DESI1: variants seen among roughly 807,000 people sequenced by gnomAD.
The protein encoded by DESI1 is PPPDE peptidase domain containing 2.
Under a neutral mutation model 22.4 loss-of-function variants are expected in DESI1, and 17 were observed. That is an observed-to-expected ratio of 0.76 (90% CI 0.52 to 1.14). The LOEUF (loss-of-function observed/expected upper bound fraction) is 1.14. Ranked by LOEUF, DESI1 falls within the 50% of genes most tolerant of loss-of-function variation. The pLI is 0.00. For missense variants in DESI1, 177 were observed against 208.9 expected (o/e 0.85, Z 0.94); for synonymous variants, 92 against 84.2 (o/e 1.09, Z -0.51).
intron 3 of DESI1, among the ~76,000 whole-genome samples, chr22:41,606,452 T>C (rs2067481110): frequency 6.6e-6 from 1 of 152,094 alleles, no homozygotes; most frequent in African/African-American, 2.4e-5. Context: ...GAGCACCTAC[T>C]GTGACAACAC....
Position 41,607,751 on chromosome 22 carries a change from A to C in DESI1, c.110+89T>G, listed in dbSNP as rs55653984. 3.8e-3 allele frequency: 5,653 copies of C among 1,479,910 alleles called. 160 individuals carry two copies. In the African/African-American group the frequency reaches 0.061, roughly 16 times the overall value. 91.7% of individuals were successfully genotyped at this position (1,479,910 alleles called of 1,614,324 possible). ...TTTATAGCATGGAGAGCTAGGTTTC[A>C]TGCTGGAAGCCACAGACTAGAACCT... On this transcript the variant is annotated intron_variant, in intron 2 of 5. Coordinates refer to ENST00000263256, the MANE Select transcript of DESI1 (RefSeq NM_015704.3).
At chr22:41,611,969 G>A (rs553490287) in intron 1 of DESI1, among the ~76,000 whole-genome samples, 1 of 152,254 alleles carries the variant, frequency 6.6e-6, no homozygotes, top group African/African-American at 2.4e-5. Context: ...ACAATATAGT[G>A]AATAAGAACA....
intron 3 of DESI1, among the ~76,000 whole-genome samples, chr22:41,605,727 G>C (rs1190632236): frequency 2.0e-5 from 3 of 152,206 alleles, no homozygotes; most frequent in Non-Finnish European, 2.9e-5. Context: ...AAGAAGCTTA[G>C]TGTAGCAGGG....
At chr22:41,620,267 A>G (rs567994462) in intron 1 of DESI1, among the ~76,000 whole-genome samples, 1 of 151,912 alleles carries the variant, frequency 6.6e-6, no homozygotes, top group South Asian at 2.1e-4. Context: ...CTGCAAAGGG[A>G]GCTTCCTTTT....
At position 41,601,575 on chromosome 22, in the gene DESI1, G is replaced by A. The variant is rs1251817706; in HGVS notation, c.414-385C>T. Among the ~76,000 whole-genome samples the A allele has an allele frequency of 4.8e-5, 7 of 144,724 alleles. No individual in the cohort carries two copies. In the East Asian group the frequency reaches 1.4e-3, roughly 28 times the overall value. 94.9% of individuals were successfully genotyped at this position (144,724 alleles called of 152,430 possible). ...AAGATCAAATTTAAGCAGGGAAACTGAGGCAAAAGAAGAAGGATATGAAAA... is the reference window on the plus strand; with the variant it reads ...AAGATCAAATTTAAGCAGGGAAACTAAGGCAAAAGAAGAAGGATATGAAAA... On this transcript the variant is annotated intron_variant, in intron 5 of 5. Transcript: ENST00000263256.
intron 3 of DESI1, among the ~76,000 whole-genome samples, chr22:41,606,792 A>G (rs908770502): frequency 3.3e-5 from 5 of 151,580 alleles, no homozygotes; most frequent in Admixed American, 1.3e-4. Flanking sequence ...AAAAAAAAAA[A>G]AAAAAAAAAG....
chr22:41,607,445 T>C (rs1569067635), intron 2 of DESI1, 114 bp from the exon 3 acceptor site: 4 of 1,025,344 alleles, frequency 3.9e-6, no homozygotes, highest in Non-Finnish European at 4.2e-6. Flanking sequence ...TGGGGACCAG[T>C]CTTATAAAAC....
chr22:41,604,344 C>T, intron 3 of DESI1, 191 bp from the exon 4 acceptor site: 1 of 455,798 alleles, frequency 2.2e-6, no homozygotes, highest in Non-Finnish European at 3.8e-6. Flanking sequence ...CTCCCGGGTT[C>T]AAGTGATCCT....
chr22:41,620,231 C>T (rs1019048612), intron 1 of DESI1, among the ~76,000 whole-genome samples: 4 of 152,132 alleles, frequency 2.6e-5, no homozygotes, highest in Non-Finnish European at 5.9e-5. Context: ...GCAGCTCTAT[C>T]TCCCCCATCC....
intron 1 of DESI1, among the ~76,000 whole-genome samples, chr22:41,608,178 GT>G (rs1175065530): frequency 2.0e-5 from 3 of 152,198 alleles, no homozygotes; most frequent in Non-Finnish European, 4.4e-5. Flanking sequence ...CTCACGTACA[GT>G]AAGACTATAG....
intron 1 of DESI1, among the ~76,000 whole-genome samples, chr22:41,609,731 G>A (rs1451440884): frequency 6.6e-6 from 1 of 152,106 alleles, no homozygotes; most frequent in African/African-American, 2.4e-5. Flanking sequence ...TTGGGAGGCA[G>A]TGAGCCGAGA....
intron 1 of DESI1, 112 bp downstream of exon 1, chr22:41,620,640 T>C: frequency 1.8e-6 from 2 of 1,083,012 alleles, no homozygotes; most frequent in Non-Finnish European, 2.6e-6. Context: ...TCTTCCATCC[T>C]CCTGGCCATG....
At chr22:41,603,157 C>T in intron 5 of DESI1, 102 bp downstream of exon 5, 1 of 1,572,402 alleles carries the variant, frequency 6.4e-7, no homozygotes, top group Non-Finnish European at 8.7e-7. Flanking sequence ...GGCAGGCCCA[C>T]CTGGTTGGGA....
chr22:41,614,584 T>A (rs2067538339), intron 1 of DESI1, among the ~76,000 whole-genome samples: 2 of 105,870 alleles, frequency 1.9e-5, no homozygotes, highest in Non-Finnish European at 4.0e-5. Context: ...GTGCCCGGCC[T>A]ACATCCTTTT....
At chr22:41,602,486 T>TA in intron 5 of DESI1, 3 of 985,372 alleles carry the variant, frequency 3.0e-6, no homozygotes, top group Admixed American at 6.1e-5. Context: ...TCCTCAGATA[T>TA]AAAAAACAGC....
rs893519866 is a variant in DESI1 at position 41,599,878 on chromosome 22, A to T, written c.*1219T>A. ...CAGGCCTCACATCATTATTCTTTCC[A>T]TATCAAAGGTATTTTCTGGCCAGGC... On this transcript the variant is annotated 3_prime_UTR_variant, in exon 6 of 6. Transcript: ENST00000263256. 1 of 145,762 alleles carries T rather than the reference A, an allele frequency of 6.9e-6. No individual in the cohort carries two copies. Among genetic ancestry groups the T allele is most frequent in the Non-Finnish European group, 1.5e-5 (1 of 66,032 alleles). 9.0% of individuals were successfully genotyped at this position (145,762 alleles called of 1,614,324 possible). A position where few individuals can be genotyped will look rare whatever the true frequency, so the allele number is the denominator to read the frequency against.
intron 5 of DESI1, chr22:41,601,873 C>G (rs2067451662): frequency 1.3e-5 from 2 of 152,262 alleles, no homozygotes; most frequent in African/African-American, 4.8e-5. Flanking sequence ...GCCACTGCGC[C>G]TGGCTAATTT....
At chr22:41,611,408 C>T (rs2067516236) in intron 1 of DESI1, among the ~76,000 whole-genome samples, 1 of 152,044 alleles carries the variant, frequency 6.6e-6, no homozygotes, top group Admixed American at 6.5e-5. Flanking sequence ...ACTGGGATTA[C>T]AGGTGTGAGC....
chr22:41,611,291 C>T (rs1191653701), intron 1 of DESI1, among the ~76,000 whole-genome samples: 1 of 152,088 alleles, frequency 6.6e-6, no homozygotes, highest in African/African-American at 2.4e-5. Context: ...CGCCACCATG[C>T]CCAGCTAATT....
Sources: allele counts gnomAD v4.1 joint callset (sites outside exome capture counted in the v4.1 genomes callset), GRCh38; gene constraint gnomAD v4.1.1; transcripts MANE v1.5; gene names NCBI Gene and HGNC (gene_info 2026-07-23, HGNC 2026-07-21).